DYRK1A: variants seen among roughly 807,000 people sequenced by gnomAD.
The protein encoded by DYRK1A is dual specificity tyrosine-phosphorylation-regulated kinase 1A.
DYRK1A carries 9 observed loss-of-function variants against 79.7 expected under a neutral mutation model. The observed-to-expected ratio is 0.11, with a 90% CI of 0.07 to 0.20. The LOEUF is 0.20. Ranked by LOEUF, DYRK1A falls within the 10% of genes least tolerant of loss-of-function variation. The probability of loss-of-function intolerance (pLI) is 1.00; values close to 1 mark genes in which losing one functional copy is unlikely to be tolerated. For missense variants in DYRK1A, 622 were observed against 956.0 expected (o/e 0.65, Z 4.61); for synonymous variants, 349 against 329.7 (o/e 1.06, Z -0.63).
intron 9 of DYRK1A, chr21:37,501,789 CTT>C (rs1569393420): frequency 6.6e-6 from 1 of 152,044 alleles, no homozygotes; most frequent in Non-Finnish European, 1.5e-5. Flanking sequence ...TTCTTCATAT[CTT>C]TTATATCTTT....
At chr21:37,393,410 T>C (rs139552309) in intron 1 of DYRK1A, among the ~76,000 whole-genome samples, 31 of 152,318 alleles carry the variant, frequency 2.0e-4, no homozygotes, top group African/African-American at 5.8e-4. Context: ...GTCTTTTTTC[T>C]GGGTACATAT....
intron 2 of DYRK1A, among the ~76,000 whole-genome samples, chr21:37,440,054 T>G (rs1043084083): frequency 6.6e-6 from 1 of 151,576 alleles, no homozygotes; most frequent in Non-Finnish European, 1.5e-5. Context: ...TTTATTGATT[T>G]CTGTTTTTCT....
At chr21:37,507,152 A>G (rs1192713537) in intron 11 of DYRK1A, among the ~76,000 whole-genome samples, 2 of 152,170 alleles carry the variant, frequency 1.3e-5, no homozygotes, top group Non-Finnish European at 2.9e-5. Context: ...ACTTTGTAAC[A>G]TTGAATACAT....
chr21:37,510,173 C>T (rs2053709836), intron 11 of DYRK1A, among the ~76,000 whole-genome samples: 1 of 152,156 alleles, frequency 6.6e-6, no homozygotes, highest in African/African-American at 2.4e-5. Flanking sequence ...ATATAAATTC[C>T]TGAAAGCAGA....
At chr21:37,461,403 C>T (rs1478741402) in intron 2 of DYRK1A, among the ~76,000 whole-genome samples, 1 of 152,118 alleles carries the variant, frequency 6.6e-6, no homozygotes, top group African/African-American at 2.4e-5. Flanking sequence ...TTGCTTTGAA[C>T]AGTCAGTTGG....
rs751513164 is a variant in DYRK1A, at chr21:37,512,224, C to T, written c.1958C>T (p.Thr653Met). ...HHSMTSLSSS[T>M]TSSSTSSSST... ...TCCATGACATCCCTGTCTTCCTCAA[C>T]GACTTCTTCCTCGACATCTTCCTCC... is the stretch of plus-strand genomic sequence containing the variant. The change falls in exon 12 of 12, where the codon ACG (threonine) becomes ATG (methionine). Residue 653 changes from threonine to methionine, a missense_variant. Coordinates refer to ENST00000647188, the MANE Select transcript of DYRK1A (RefSeq NM_001347721.2). 13 of 1,614,084 alleles carry T rather than the reference C, an allele frequency of 8.1e-6. No individual in the cohort carries two copies. Among genetic ancestry groups the T allele is most frequent in the East Asian group, 4.5e-5 (2 of 44,906 alleles).
Position 37,496,233 on chromosome 21 carries a change from T to C in DYRK1A, c.1187T>C (p.Leu396Ser). 6.2e-7 allele frequency: 1 copy of C among 1,613,516 alleles called. No individual in the cohort carries two copies. Among genetic ancestry groups the C allele is most frequent in the Non-Finnish European group, 8.5e-7 (1 of 1,179,832 alleles). The change falls in exon 9 of 12, where the codon TTA (leucine) becomes TCA (serine). Residue 396 changes from leucine to serine, a missense_variant. This residue lies in a region of DYRK1A where 80 missense variants were observed against 116.5 expected (regional missense o/e 0.69). Coordinates refer to ENST00000647188, the MANE Select transcript of DYRK1A (RefSeq NM_001347721.2). ...FEKLPDGTWN[L>S]KKTKDGKREY... ...AAGTTGCCAGATGGCACTTGGAACT[T>C]AAAGAAGACCAAAGATGGAAAACGG...
Position 37,524,739 on chromosome 21 carries a change from T to G in DYRK1A, c.*12208T>G, listed in dbSNP as rs1569415190. On this transcript the variant is annotated 3_prime_UTR_variant, in exon 12 of 12. Coordinates refer to ENST00000647188, the MANE Select transcript of DYRK1A (RefSeq NM_001347721.2). Reference sequence around the variant, plus strand: ...TGAGGAGCCAGTACCAAGTTGGAAGTAACTGAAGAATTGGCCTCTATCAAT... The same window carrying G: ...TGAGGAGCCAGTACCAAGTTGGAAGGAACTGAAGAATTGGCCTCTATCAAT... The G allele has an allele frequency of 6.6e-6, 1 of 152,236 alleles. No individual in the cohort carries two copies. The highest frequency in any genetic ancestry group is 1.5e-5 in the Non-Finnish European group (1 of 68,044). 9.4% of individuals were successfully genotyped at this position (152,236 alleles called of 1,614,324 possible).
At chr21:37,376,881 A>G (rs1475887) in intron 1 of DYRK1A, among the ~76,000 whole-genome samples, 84,536 of 151,976 alleles carry the variant, frequency 0.56, 24,259 homozygotes, top group African/African-American at 0.7. Flanking sequence ...CTCATGTTCC[A>G]TAATAATAAC....
chr21:37,523,683 A>C lies in DYRK1A; in HGVS notation c.*11152A>C, dbSNP rs556597052. 6.6e-6 allele frequency: 1 copy of C among 152,238 alleles called. No individual in the cohort carries two copies. The highest frequency in any genetic ancestry group is 1.5e-5 in the Non-Finnish European group (1 of 68,046). The allele number at this position is 152,238 out of a possible 1,614,324, so 9.4% of individuals were successfully genotyped here. A position where few individuals can be genotyped will look rare whatever the true frequency, so the allele number is the denominator to read the frequency against. On this transcript the variant is annotated 3_prime_UTR_variant, in exon 12 of 12. Transcript: ENST00000647188. ...GTACCCTCCTGTTTTTGTATGGCTC[A>C]CCAAACTAAGGGTGATTTTCACATT... is the stretch of plus-strand genomic sequence containing the variant.
At chr21:37,439,655 T>G (rs1413324072) in intron 2 of DYRK1A, among the ~76,000 whole-genome samples, 1 of 152,168 alleles carries the variant, frequency 6.6e-6, no homozygotes, top group Non-Finnish European at 1.5e-5. Flanking sequence ...GGTAGAACAG[T>G]TTTTCATTCT....
intron 2 of DYRK1A, among the ~76,000 whole-genome samples, chr21:37,437,937 A>G (rs1445674022): frequency 2.0e-5 from 3 of 152,202 alleles, no homozygotes; most frequent in Non-Finnish European, 4.4e-5. Context: ...TGGTTTTACA[A>G]AGTAGTTGTA....
chr21:37,448,564 A>G (rs940861332), intron 2 of DYRK1A, among the ~76,000 whole-genome samples: 4 of 152,204 alleles, frequency 2.6e-5, no homozygotes, highest in Non-Finnish European at 2.9e-5. Flanking sequence ...GTTTAACATG[A>G]AATATTATAG....
At chr21:37,410,263 T>C (rs1273423245) in intron 1 of DYRK1A, among the ~76,000 whole-genome samples, 1 of 152,224 alleles carries the variant, frequency 6.6e-6, no homozygotes, top group African/African-American at 2.4e-5. Context: ...GGAATAAGTC[T>C]TTGTGCATAT....
rs1186288306 is a variant in DYRK1A at position 37,457,017 on chromosome 21, CTTACTTACTTACTTACTTACTTATTTAT to C, written c.11-15663_11-15636del. The stretch of plus-strand genomic sequence containing the variant: ...GCTTGAGAGGTAAAAAGAAAATTTA[CTTACTTACTTACTTACTTACTTATTTAT>C]TTATTTATTTATTTATTTATTTATT... On this transcript the variant is annotated intron_variant, in intron 2 of 11. Coordinates refer to ENST00000647188, the MANE Select transcript of DYRK1A (RefSeq NM_001347721.2). Among the ~76,000 whole-genome samples the C allele has an allele frequency of 8.9e-4, 103 of 116,128 alleles. 1 individual carries two copies. The highest frequency in any genetic ancestry group is 3.4e-3 in the African/African-American group (93 of 27,704). The allele number at this position is 116,128 out of a possible 152,430, so 76.2% of individuals were successfully genotyped here. A position where few individuals can be genotyped will look rare whatever the true frequency, so the allele number is the denominator to read the frequency against.
chr21:37,418,919 T>C (rs569106553), intron 1 of DYRK1A: 2 of 152,336 alleles, frequency 1.3e-5, no homozygotes, highest in African/African-American at 4.8e-5. Context: ...ATAACTCATA[T>C]TGTCTCTGAG....
intron 3 of DYRK1A, among the ~76,000 whole-genome samples, chr21:37,473,867 G>A (rs1436578618): frequency 6.6e-6 from 1 of 152,146 alleles, no homozygotes; most frequent in Non-Finnish European, 1.5e-5. Context: ...CAGTTTAGTT[G>A]CGTGTTTGAG....
At chr21:37,390,799 A>T (rs1032804111) in intron 1 of DYRK1A, among the ~76,000 whole-genome samples, 4 of 152,066 alleles carry the variant, frequency 2.6e-5, no homozygotes, top group Middle Eastern at 3.4e-3. Context: ...CGAACTCCTG[A>T]GCTCAGGCAG....
intron 1 of DYRK1A, among the ~76,000 whole-genome samples, chr21:37,387,568 A>T (rs1315371616): frequency 6.6e-6 from 1 of 152,294 alleles, no homozygotes; most frequent in East Asian, 1.9e-4. Flanking sequence ...GCCTCAATCA[A>T]ACTGCTCCTC....
Sources: allele counts gnomAD v4.1 joint callset (sites outside exome capture counted in the v4.1 genomes callset), GRCh38; gene constraint gnomAD v4.1.1; regional missense constraint gnomAD v4.1.1; transcripts MANE v1.5; gene names NCBI Gene and HGNC (gene_info 2026-07-23, HGNC 2026-07-21).